The following CCDC138 variants were observed in gnomAD, a reference collection of about 807,000 sequenced individuals.
CCDC138 encodes coiled-coil domain-containing protein 138.
Under a neutral mutation model 82.3 loss-of-function variants are expected in CCDC138, and 66 were observed. The ratio of observed to expected loss-of-function variants is 0.80; its 90% CI spans 0.66 to 0.98. The LOEUF is 0.98. Among genes scored for constraint, CCDC138 ranks in the 50% least tolerant of loss-of-function variants. CCDC138 has a pLI of 0.00. For synonymous variants in CCDC138, 297 were observed against 265.4 expected (o/e 1.12, Z -1.16); for missense variants, 816 against 758.9 (o/e 1.08, Z -0.88).
In CCDC138 at chr2:108,789,531, T is replaced by C. The variant is rs1573897680; in HGVS notation, c.266+565T>C. ...ATCACTTGAACCCGGGAGGTGGAGG[T>C]TGCAGTGAGCTAAGATTGTGCCATT... On this transcript the variant is annotated intron_variant, in intron 3 of 14. Transcript: ENST00000295124. Among the ~76,000 whole-genome samples the C allele has an allele frequency of 3.3e-5, 5 of 152,062 alleles. 1 individual carries two copies. The highest frequency in any genetic ancestry group is 3.3e-4 in the Admixed American group (5 of 15,266).
At chr2:108,852,223 G>A (rs925091000) in intron 12 of CCDC138, among the ~76,000 whole-genome samples, 1 of 152,192 alleles carries the variant, frequency 6.6e-6, no homozygotes. Flanking sequence ...AGTATGTGAT[G>A]CTCAATCTCT....
At position 108,812,638 on chromosome 2, in the gene CCDC138, A is replaced by C. The variant is rs1167014551; in HGVS notation, c.863A>C (p.Glu288Ala). ...ACTTTTTCTACCCTTTAGTTAAATG[A>C]AGCAAGTGAAGAAAACAGGAAGATA... Reference protein sequence around the residue: ...LNDTLKKQLNEASEENRKIDI... With the variant: ...LNDTLKKQLNAASEENRKIDI... Residue 288 changes from glutamate (E) to alanine (A), a missense_variant, in exon 8 of 15, where the codon GAA (glutamate) becomes GCA (alanine). Physicochemically the swap from Glu to Ala is moderately radical, Grantham distance 107. Coordinates refer to ENST00000295124, the MANE Select transcript of CCDC138 (RefSeq NM_144978.3). 1 of 1,611,622 alleles carries C rather than the reference A, an allele frequency of 6.2e-7. No homozygotes were observed. Among genetic ancestry groups the C allele is most frequent in the Admixed American group, 1.7e-5 (1 of 59,986 alleles).
intron 3 of CCDC138, among the ~76,000 whole-genome samples, chr2:108,789,602 A>G (rs1414956277): frequency 6.6e-6 from 1 of 152,160 alleles, no homozygotes; most frequent in Non-Finnish European, 1.5e-5. Flanking sequence ...AAGAAAGAAA[A>G]AACGAACTAC....
intron 10 of CCDC138, among the ~76,000 whole-genome samples, chr2:108,823,240 A>G (rs1686002584): frequency 6.6e-6 from 1 of 152,194 alleles, no homozygotes; most frequent in African/African-American, 2.4e-5. Context: ...CATCCTCCTC[A>G]TATTCTTCGA....
intron 10 of CCDC138, among the ~76,000 whole-genome samples, chr2:108,831,521 A>C (rs1389669394): frequency 6.6e-6 from 1 of 152,224 alleles, no homozygotes; most frequent in African/African-American, 2.4e-5. Flanking sequence ...TTTCATGAAA[A>C]TATGAAATGG....
chr2:108,878,538 ATGTC>A (rs1248779533), downstream of CCDC138: 1 of 213,442 alleles, frequency 4.7e-6, no homozygotes, highest in South Asian at 8.4e-5. Flanking sequence ...CAGACTGAAA[ATGTC>A]ACCACCATCT....
downstream of CCDC138, among the ~76,000 whole-genome samples, chr2:108,879,609 T>C (rs1222515783): frequency 2.6e-5 from 4 of 152,224 alleles, no homozygotes; most frequent in African/African-American, 9.6e-5. Context: ...AAATATATTT[T>C]GGCCAGGCTA....
At chr2:108,848,111 T>G (rs1318138907) in intron 12 of CCDC138, among the ~76,000 whole-genome samples, 1 of 152,184 alleles carries the variant, frequency 6.6e-6, no homozygotes, top group Non-Finnish European at 1.5e-5. Context: ...AATATTAGTA[T>G]CAAGAATTTG....
chr2:108,847,062 A>C, intron 12 of CCDC138, 132 bp downstream of exon 12: 1 of 616,872 alleles, frequency 1.6e-6, no homozygotes, highest in Admixed American at 3.2e-5. Flanking sequence ...ATGGTTACAC[A>C]TTATAAAAAG....
chr2:108,869,026 ATTTTG>A (rs1023660751), intron 13 of CCDC138, among the ~76,000 whole-genome samples: 2 of 152,128 alleles, frequency 1.3e-5, no homozygotes, highest in African/African-American at 4.8e-5. Flanking sequence ...CTTTATAAAA[ATTTTG>A]TTTTGTTTCC....
At chr2:108,843,886 CTTTTT>C (rs57196170) in intron 11 of CCDC138, among the ~76,000 whole-genome samples, 4 of 94,018 alleles carry the variant, frequency 4.3e-5, no homozygotes, top group Non-Finnish European at 7.6e-5. Context: ...GTGTTTCTTT[CTTTTT>C]TTTTTTTTTT....
chr2:108,880,110 T>C (rs1696247814), downstream of CCDC138, among the ~76,000 whole-genome samples: 1 of 150,548 alleles, frequency 6.6e-6, no homozygotes, highest in Non-Finnish European at 1.5e-5. Context: ...ATCAATGAAA[T>C]TGAAAACAGG....
At chr2:108,789,934 G>T (rs928788582) in intron 3 of CCDC138, among the ~76,000 whole-genome samples, 2 of 152,174 alleles carry the variant, frequency 1.3e-5, no homozygotes, top group African/African-American at 4.8e-5. Context: ...TAAGCATTTT[G>T]AAATAAAGAT....
At chr2:108,867,577 C>T (rs1694612328) in intron 13 of CCDC138, among the ~76,000 whole-genome samples, 1 of 151,984 alleles carries the variant, frequency 6.6e-6, no homozygotes, top group Admixed American at 6.6e-5. Context: ...CAAGAAATAG[C>T]TCATCTTGAG....
At position 108,849,953 on chromosome 2, in the gene CCDC138, C is replaced by A. The variant is rs146710930; in HGVS notation, c.1516+3023C>A. Among the ~76,000 whole-genome samples, 24 of 152,286 alleles carry A rather than the reference C, an allele frequency of 1.6e-4. 1 individual carries two copies. Among genetic ancestry groups the A allele is most frequent in the Middle Eastern group, 3.4e-3 (1 of 294 alleles). On this transcript the variant is annotated intron_variant, in intron 12 of 14. Transcript: ENST00000295124. ...AGGTGGGGTGTGCCTGCACACAAGA[C>A]CTGGGGCTAGGAGGGTTCAACAGGA...
At chr2:108,866,233 A>T (rs73952535) in intron 13 of CCDC138, among the ~76,000 whole-genome samples, 2,018 of 152,304 alleles carry the variant, frequency 0.013, 64 homozygotes, top group South Asian at 0.086. Flanking sequence ...TGATGATGTC[A>T]TCCCTTCTGC....
rs570980063 is a variant in CCDC138 at position 108,875,868 on chromosome 2, A to G, written c.1833-220A>G. On this transcript the variant is annotated intron_variant, in intron 14 of 14. Coordinates refer to ENST00000295124, the MANE Select transcript of CCDC138 (RefSeq NM_144978.3). ...ATAAGACCTTATCTCAAAAGAAAAA[A>G]AAGTTTTCTTTTTTCCCCAGTGGTT... 1.4e-4 allele frequency among the ~76,000 whole-genome samples: 21 copies of G among 152,274 alleles called. No individual in the cohort carries two copies. In the South Asian group the frequency reaches 4.2e-3, roughly 30 times the overall value.
At chr2:108,824,178 TTCA>T (rs1686183696) in intron 10 of CCDC138, among the ~76,000 whole-genome samples, 1 of 152,052 alleles carries the variant, frequency 6.6e-6, no homozygotes, top group Non-Finnish European at 1.5e-5. Context: ...AAATTTTTTC[TTCA>T]TTAACAAATT....
chr2:108,876,371 T>C lies in CCDC138; in HGVS notation c.*118T>C. 1 of 582,782 alleles carries C rather than the reference T, an allele frequency of 1.7e-6. No homozygotes were observed. Among genetic ancestry groups the C allele is most frequent in the East Asian group, 2.9e-5 (1 of 34,630 alleles). 36.1% of individuals were successfully genotyped at this position (582,782 alleles called of 1,614,324 possible). ...CAGTAGCATCATTTATCATGAAAAA[T>C]AAATAATTTTTTTGAACTGTAAAAA... On this transcript the variant is annotated 3_prime_UTR_variant, in exon 15 of 15. Transcript: ENST00000295124.
Sources: gnomAD v4.1 joint callset for allele counts (sites outside exome capture counted in the v4.1 genomes callset) on GRCh38, gnomAD v4.1.1 for gene constraint, MANE v1.5 for transcripts, NCBI Gene and HGNC (gene_info 2026-07-23, HGNC 2026-07-21) for gene names.